The following DNMBP variants were observed in gnomAD, a reference collection of about 807,000 sequenced individuals.
DNMBP encodes dynamin-binding protein.
A neutral mutation model predicts 150.0 loss-of-function variants in DNMBP; 87 were observed. That is an observed-to-expected ratio of 0.58 (90% confidence interval 0.49 to 0.69). The LOEUF is 0.69. DNMBP is among the 30% of genes least tolerant of loss of function. DNMBP has a pLI of 0.00. For synonymous variants in DNMBP, 711 were observed against 750.4 expected (o/e 0.95, Z 0.86); for missense variants, 1,774 against 1,949.0 (o/e 0.91, Z 1.69).
intron 4 of DNMBP, among the ~76,000 whole-genome samples, chr10:99,912,552 G>A (rs2039913921): frequency 2.0e-5 from 3 of 152,166 alleles, no homozygotes; most frequent in Admixed American, 2.0e-4. Flanking sequence ...ACACTTTGGT[G>A]TGATTAAAAA....
intron 4 of DNMBP, among the ~76,000 whole-genome samples, chr10:99,928,902 G>A (rs546656113): frequency 7.2e-5 from 11 of 152,032 alleles, no homozygotes; most frequent in African/African-American, 2.7e-4. Context: ...CCAGTACTTT[G>A]GGAAGCAGAG....
chr10:99,990,639 G>A (rs1447698402), intron 1 of DNMBP, among the ~76,000 whole-genome samples: 2 of 148,326 alleles, frequency 1.3e-5, no homozygotes, highest in Non-Finnish European at 3.0e-5. Flanking sequence ...AAGAAAGACA[G>A]TGTGTGTATA....
At chr10:99,893,567 C>CT (rs1262248721) in intron 11 of DNMBP, among the ~76,000 whole-genome samples, 1 of 152,184 alleles carries the variant, frequency 6.6e-6, no homozygotes, top group Non-Finnish European at 1.5e-5. Context: ...CACCCCGTCT[C>CT]TATTAAAAAT....
chr10:99,909,869 T>TA (rs1437978749), intron 4 of DNMBP, among the ~76,000 whole-genome samples: 1 of 152,206 alleles, frequency 6.6e-6, no homozygotes, highest in African/African-American at 2.4e-5. Context: ...TGCATTATTC[T>TA]AAAAAACAAA....
intron 3 of DNMBP, 143 bp downstream of exon 3, chr10:99,968,972 T>A: frequency 1.2e-6 from 1 of 841,348 alleles, no homozygotes; most frequent in East Asian, 2.6e-5. Context: ...CTATAAGGCA[T>A]CATTACGTCC....
intron 1 of DNMBP, among the ~76,000 whole-genome samples, chr10:99,981,022 A>G (rs1028540543): frequency 6.6e-6 from 1 of 152,176 alleles, no homozygotes; most frequent in African/African-American, 2.4e-5. Flanking sequence ...AATGGTAGTA[A>G]TGGTTGAAAA....
At chr10:99,947,076 G>A (rs2040365526) in intron 4 of DNMBP, among the ~76,000 whole-genome samples, 1 of 152,184 alleles carries the variant, frequency 6.6e-6, no homozygotes, top group Admixed American at 6.5e-5. Flanking sequence ...CAGATATGTT[G>A]GCATGGTTGT....
At chr10:99,976,384 T>G (rs1340705651) in intron 1 of DNMBP, among the ~76,000 whole-genome samples, 2 of 152,206 alleles carry the variant, frequency 1.3e-5, no homozygotes, top group Non-Finnish European at 2.9e-5. Context: ...TCCAAGTTCA[T>G]TATTAAGACT....
chr10:99,992,600 C>G (rs2040908057), intron 1 of DNMBP, among the ~76,000 whole-genome samples: 1 of 149,130 alleles, frequency 6.7e-6, no homozygotes, highest in South Asian at 2.1e-4. Flanking sequence ...GATCTCGGCT[C>G]ACTGCAAGCT....
At chr10:99,936,610 T>C (rs1465179038) in intron 4 of DNMBP, among the ~76,000 whole-genome samples, 1 of 150,784 alleles carries the variant, frequency 6.6e-6, no homozygotes, top group South Asian at 2.1e-4. Flanking sequence ...AAACAATCCA[T>C]GTTTCTATTT....
At chr10:99,923,473 A>G (rs904530155) in intron 4 of DNMBP, among the ~76,000 whole-genome samples, 15 of 152,008 alleles carry the variant, frequency 9.9e-5, no homozygotes, top group Non-Finnish European at 1.9e-4. Context: ...CTCCTCCTGC[A>G]CTGTAACTGT....
intron 3 of DNMBP, among the ~76,000 whole-genome samples, chr10:99,966,557 C>T (rs2040620728): frequency 6.6e-6 from 1 of 152,216 alleles, no homozygotes; most frequent in Non-Finnish European, 1.5e-5. Context: ...AGCCACTGTA[C>T]TCTTGTCCTT....
At chr10:99,998,128 G>A (rs1348537732) in intron 1 of DNMBP, among the ~76,000 whole-genome samples, 5 of 151,170 alleles carry the variant, frequency 3.3e-5, no homozygotes, top group African/African-American at 4.9e-5. Flanking sequence ...CCAGCTTCTC[G>A]GGAGGCTGAG....
intron 4 of DNMBP, among the ~76,000 whole-genome samples, chr10:99,915,189 A>C (rs1335921195): frequency 7.5e-6 from 1 of 134,194 alleles, no homozygotes; most frequent in Non-Finnish European, 1.6e-5. Context: ...ATCTACACAC[A>C]TATACACACA....
intron 1 of DNMBP, among the ~76,000 whole-genome samples, chr10:100,000,954 C>T (rs112887542): frequency 0.016 from 2,380 of 150,430 alleles, 34 homozygotes; most frequent in African/African-American, 0.034. Context: ...AAAAAAGAGC[C>T]GGGCACGGTG....
At chr10:99,950,247 A>T (rs1348944699) in intron 4 of DNMBP, among the ~76,000 whole-genome samples, 1 of 152,192 alleles carries the variant, frequency 6.6e-6, no homozygotes, top group African/African-American at 2.4e-5. Context: ...TTCCACCATG[A>T]TTGTGAGGCC....
intron 11 of DNMBP, among the ~76,000 whole-genome samples, chr10:99,891,321 T>C (rs1177653557): frequency 6.7e-6 from 1 of 149,430 alleles, no homozygotes; most frequent in South Asian, 2.2e-4. Flanking sequence ...GTGCCTGCGA[T>C]TGCAGGCACG....
intron 4 of DNMBP, chr10:99,914,027 G>A (rs189875076): frequency 1.3e-6 from 2 of 1,503,298 alleles, no homozygotes; most frequent in South Asian, 1.3e-5. Context: ...TCTTCCCAGA[G>A]CTCTGGAATG....
chr10:99,913,212 A>C (rs967313220), intron 4 of DNMBP, among the ~76,000 whole-genome samples: 3 of 151,956 alleles, frequency 2.0e-5, no homozygotes, highest in Admixed American at 6.6e-5. Flanking sequence ...GTGGAAAAAG[A>C]AGCTTTGAAT....
Sources: gnomAD v4.1 joint callset for allele counts (sites outside exome capture counted in the v4.1 genomes callset) on GRCh38, gnomAD v4.1.1 for gene constraint, MANE v1.5 for transcripts, NCBI Gene and HGNC (gene_info 2026-07-23, HGNC 2026-07-21) for gene names.